The following DSCAM variants were observed in gnomAD, a reference collection of about 807,000 sequenced individuals.
DSCAM encodes DS cell adhesion molecule, also known as cell adhesion molecule DSCAM.
DSCAM carries 47 observed loss-of-function variants against 217.7 expected under a neutral mutation model. The ratio of observed to expected loss-of-function variants is 0.22; its 90% CI spans 0.17 to 0.28. The LOEUF is 0.28. Among genes scored for constraint, DSCAM ranks in the 10% least tolerant of loss-of-function variants. DSCAM has a pLI of 1.00. For missense variants in DSCAM, 2,080 were observed against 2,618.3 expected, an observed-to-expected ratio of 0.79 and a Z score of 4.49; for synonymous variants, 1,056 against 1,015.3, an observed-to-expected ratio of 1.04 and a Z score of -0.76.
At chr21:40,209,833 A>G (rs893944134) in intron 11 of DSCAM, among the ~76,000 whole-genome samples, 2 of 152,084 alleles carry the variant, frequency 1.3e-5, no homozygotes, top group Non-Finnish European at 2.9e-5. Context: ...TCGCTCATTC[A>G]TCTTCCTTTT....
At position 40,424,436 on chromosome 21, in the gene DSCAM, C is replaced by T. The variant is rs371621418; in HGVS notation, c.509-55191G>A. On this transcript the variant is annotated intron_variant, in intron 3 of 32. Transcript: ENST00000400454. ...TGGAAGAAGCCAGCCGTGTGACTGGCGTGATGTCTATAATACAAACCAACA... is the reference window on the plus strand; with the variant it reads ...TGGAAGAAGCCAGCCGTGTGACTGGTGTGATGTCTATAATACAAACCAACA... 1.5e-4 allele frequency among the ~76,000 whole-genome samples: 23 copies of T among 152,252 alleles called. No individual in the cohort carries two copies. The South Asian group carries it at 2.7e-3, about 18-fold the overall frequency.
intron 15 of DSCAM, among the ~76,000 whole-genome samples, chr21:40,175,805 A>ACG (rs1555886103): frequency 2.1e-3 from 234 of 112,638 alleles, no homozygotes; most frequent in African/African-American, 6.2e-3. Context: ...ACACACACAC[A>ACG]CACGCACACA....
intron 3 of DSCAM, among the ~76,000 whole-genome samples, chr21:40,668,163 C>T (rs1369709718): frequency 6.6e-6 from 1 of 152,090 alleles, no homozygotes; most frequent in African/African-American, 2.4e-5. Flanking sequence ...GAAAATGACT[C>T]GTTGCCTCAC....
intron 3 of DSCAM, among the ~76,000 whole-genome samples, chr21:40,563,241 C>T (rs2076734722): frequency 6.6e-6 from 1 of 152,074 alleles, no homozygotes; most frequent in Non-Finnish European, 1.5e-5. Flanking sequence ...AACTGGTTAA[C>T]TTCTCTGTCC....
chr21:40,363,504 C>T (rs1032248474), intron 4 of DSCAM, among the ~76,000 whole-genome samples: 5 of 151,964 alleles, frequency 3.3e-5, no homozygotes, highest in Middle Eastern at 3.2e-3. Flanking sequence ...CTGCCTGCCT[C>T]GGTCTCCCAA....
chr21:40,690,281 A>G (rs1182398693), intron 3 of DSCAM, among the ~76,000 whole-genome samples: 2 of 152,148 alleles, frequency 1.3e-5, no homozygotes, highest in Admixed American at 6.5e-5. Context: ...AAAATGCTCA[A>G]TTTCCAGACT....
intron 14 of DSCAM, among the ~76,000 whole-genome samples, chr21:40,181,101 C>T (rs569504837): frequency 2.0e-5 from 3 of 152,256 alleles, no homozygotes; most frequent in African/African-American, 7.2e-5. Context: ...CGTGGCCTTC[C>T]CAGACTCTCC....
At chr21:40,523,299 C>T (rs528375279) in intron 3 of DSCAM, among the ~76,000 whole-genome samples, 4 of 152,260 alleles carry the variant, frequency 2.6e-5, no homozygotes, top group African/African-American at 9.6e-5. Flanking sequence ...CAAGACCACC[C>T]TGGCCTGCCA....
intron 3 of DSCAM, among the ~76,000 whole-genome samples, chr21:40,544,204 A>C (rs371411987): frequency 2.0e-5 from 3 of 152,332 alleles, no homozygotes. Context: ...TTGAGGAATA[A>C]GCCTTGGTCA....
intron 3 of DSCAM, among the ~76,000 whole-genome samples, chr21:40,605,263 C>T (rs1410751551): frequency 6.6e-6 from 1 of 152,182 alleles, no homozygotes; most frequent in Non-Finnish European, 1.5e-5. Flanking sequence ...TGTAAGCTGA[C>T]CTTGGCTCTC....
intron 15 of DSCAM, among the ~76,000 whole-genome samples, chr21:40,177,763 A>G (rs771495425): frequency 2.6e-5 from 4 of 152,222 alleles, no homozygotes; most frequent in Non-Finnish European, 5.9e-5. Flanking sequence ...AATTGTAGAA[A>G]AGTACTTAAG....
At chr21:40,341,534 C>T (rs2074491319) in intron 6 of DSCAM, among the ~76,000 whole-genome samples, 1 of 152,110 alleles carries the variant, frequency 6.6e-6, no homozygotes, top group Admixed American at 6.6e-5. Context: ...AGAGTAACCA[C>T]AAAAACGATC....
intron 24 of DSCAM, among the ~76,000 whole-genome samples, chr21:40,083,446 C>T (rs2089490686): frequency 6.6e-6 from 1 of 152,164 alleles, no homozygotes; most frequent in East Asian, 1.9e-4. Context: ...CAAAACAAAA[C>T]AAAATCTTGT....
intron 3 of DSCAM, among the ~76,000 whole-genome samples, chr21:40,388,183 G>C (rs1247647464): frequency 6.6e-6 from 1 of 152,178 alleles, no homozygotes; most frequent in African/African-American, 2.4e-5. Flanking sequence ...GGAACTAAAG[G>C]ATGTGCTTCC....
intron 3 of DSCAM, among the ~76,000 whole-genome samples, chr21:40,549,397 A>G (rs1320016453): frequency 2.6e-5 from 4 of 152,166 alleles, no homozygotes; most frequent in African/African-American, 9.7e-5. Context: ...CGAGATAAAA[A>G]AAAACAACAA....
chr21:40,427,684 C>T (rs571960837), intron 3 of DSCAM, among the ~76,000 whole-genome samples: 1 of 152,302 alleles, frequency 6.6e-6, no homozygotes, highest in African/African-American at 2.4e-5. Flanking sequence ...GGATAAGCTG[C>T]CCCATTGGCT....
At chr21:40,284,022 T>C (rs2073796128) in intron 10 of DSCAM, among the ~76,000 whole-genome samples, 1 of 152,150 alleles carries the variant, frequency 6.6e-6, no homozygotes, top group Non-Finnish European at 1.5e-5. Context: ...AGAGTGGTGT[T>C]TTCCTCAAGA....
At chr21:40,278,207 T>C (rs1326954650) in intron 10 of DSCAM, among the ~76,000 whole-genome samples, 1 of 152,186 alleles carries the variant, frequency 6.6e-6, no homozygotes, top group Non-Finnish European at 1.5e-5. Context: ...ATTGTAAAAG[T>C]TGTTGAGAAT....
intron 1 of DSCAM, among the ~76,000 whole-genome samples, chr21:40,838,058 A>G (rs1175494048): frequency 6.6e-6 from 1 of 152,262 alleles, no homozygotes; most frequent in Non-Finnish European, 1.5e-5. Flanking sequence ...GTGAGAAAGT[A>G]TATTTCCTTA....
Sources: gnomAD v4.1 joint callset for allele counts (sites outside exome capture counted in the v4.1 genomes callset) on GRCh38, gnomAD v4.1.1 for gene constraint, MANE v1.5 for transcripts, NCBI Gene and HGNC (gene_info 2026-07-23, HGNC 2026-07-21) for gene names.